PDGFC: variants seen among roughly 807,000 people sequenced by gnomAD.
PDGFC encodes the protein platelet-derived growth factor C.
In PDGFC, 12 loss-of-function variants were observed where a neutral mutation model predicts 35.5. That is an observed-to-expected ratio of 0.34 (90% CI 0.22 to 0.55). The LOEUF is 0.55. PDGFC is among the 20% of genes least tolerant of loss of function. The pLI, the probability that PDGFC is intolerant of heterozygous loss-of-function variation, is 0.91. For synonymous variants in PDGFC, 159 were observed against 148.8 expected (o/e 1.07, Z -0.50); for missense variants, 322 against 412.4 (o/e 0.78, Z 1.90).
intron 1 of PDGFC, 65 bp from the exon 2 acceptor site, chr4:156,850,481 G>T: frequency 1.1e-6 from 1 of 889,634 alleles, no homozygotes; most frequent in Non-Finnish European, 1.7e-6. Context: ...ATCAAAGCAA[G>T]TGTTTATTAT....
rs529975996 is a variant in PDGFC at position 156,959,992 on chromosome 4, AT to A, written c.118+10793del. Among the ~76,000 whole-genome samples, 198 of 151,916 alleles carry A rather than the reference AT, an allele frequency of 1.3e-3. 1 individual carries two copies. The highest frequency in any genetic ancestry group is 3.9e-3 in the Admixed American group (59 of 15,222). ...AAGAATAGAGATGACTTAATCACTA[AT>A]TTTTTCTTCGTTATCATGGCTTAAA... On this transcript the variant is annotated intron_variant, in intron 1 of 5. Coordinates refer to ENST00000502773, the MANE Select transcript of PDGFC (RefSeq NM_016205.3).
chr4:156,774,150 C>A (rs1730759803), intron 3 of PDGFC, among the ~76,000 whole-genome samples: 1 of 152,096 alleles, frequency 6.6e-6, no homozygotes, highest in African/African-American at 2.4e-5. Flanking sequence ...AATCCAAATT[C>A]CTTACACAGC....
chr4:156,956,891 C>T (rs1732225300), intron 1 of PDGFC, among the ~76,000 whole-genome samples: 7 of 151,954 alleles, frequency 4.6e-5, no homozygotes, highest in Admixed American at 4.6e-4. Context: ...TCTAAATATA[C>T]ACGTTAATTG....
intron 2 of PDGFC, among the ~76,000 whole-genome samples, chr4:156,839,695 TTCC>T (rs1252679010): frequency 1.3e-5 from 2 of 152,122 alleles, no homozygotes; most frequent in Non-Finnish European, 2.9e-5. Context: ...AGTTTGAAAC[TTCC>T]TCGAGACTTG....
At chr4:156,770,835 T>C (rs1156946482) in intron 4 of PDGFC, among the ~76,000 whole-genome samples, 4 of 152,174 alleles carry the variant, frequency 2.6e-5, no homozygotes, top group Admixed American at 2.6e-4. Flanking sequence ...AGTCTATTAC[T>C]GTAATGTAAT....
chr4:156,807,016 C>CT (rs558423110), intron 3 of PDGFC, among the ~76,000 whole-genome samples: 5,768 of 143,466 alleles, frequency 0.04, 107 homozygotes, highest in Admixed American at 0.075. Flanking sequence ...TCTACCAGGT[C>CT]TTTTTTTTTT....
intron 1 of PDGFC, among the ~76,000 whole-genome samples, chr4:156,897,720 C>A (rs1045675844): frequency 2.6e-5 from 4 of 152,216 alleles, no homozygotes; most frequent in African/African-American, 9.6e-5. Context: ...GAAATTATTT[C>A]AACTTTTAGA....
At chr4:156,833,331 A>C (rs1419757750) in intron 2 of PDGFC, among the ~76,000 whole-genome samples, 2 of 152,220 alleles carry the variant, frequency 1.3e-5, no homozygotes, top group Non-Finnish European at 2.9e-5. Context: ...GATATTCAAT[A>C]AGCACGTATT....
intron 3 of PDGFC, among the ~76,000 whole-genome samples, chr4:156,797,207 C>G (rs556892397): frequency 1.3e-5 from 2 of 150,818 alleles, no homozygotes; most frequent in South Asian, 4.2e-4. Flanking sequence ...CACTGCACTC[C>G]ACCCTGTGCG....
intron 1 of PDGFC, among the ~76,000 whole-genome samples, chr4:156,878,623 A>G (rs1730170951): frequency 6.6e-6 from 1 of 152,154 alleles, no homozygotes; most frequent in African/African-American, 2.4e-5. Context: ...CCGGTTGAGC[A>G]TTCCTAATCA....
intron 3 of PDGFC, among the ~76,000 whole-genome samples, chr4:156,810,554 G>C (rs1207007326): frequency 6.6e-6 from 1 of 151,840 alleles, no homozygotes; most frequent in Non-Finnish European, 1.5e-5. Flanking sequence ...TTAATCAGTT[G>C]TCTAGATAAT....
At chr4:156,765,070 T>C (rs1024071502) in intron 5 of PDGFC, among the ~76,000 whole-genome samples, 5 of 152,220 alleles carry the variant, frequency 3.3e-5, no homozygotes, top group Admixed American at 1.3e-4. Flanking sequence ...CAAAGTCTCC[T>C]GTCTTTGTCT....
intron 1 of PDGFC, among the ~76,000 whole-genome samples, chr4:156,924,031 C>T (rs1731349714): frequency 6.6e-6 from 1 of 152,136 alleles, no homozygotes; most frequent in Non-Finnish European, 1.5e-5. Context: ...CAAGCTACAT[C>T]AGTTAAAATA....
intron 3 of PDGFC, among the ~76,000 whole-genome samples, chr4:156,807,905 T>C (rs1356261761): frequency 1.3e-5 from 2 of 152,076 alleles, no homozygotes; most frequent in Non-Finnish European, 2.9e-5. Context: ...ATGTTAACTG[T>C]ATATACTAAT....
At chr4:156,830,133 TTATAAG>T (rs774654826) in intron 2 of PDGFC, among the ~76,000 whole-genome samples, 1 of 152,056 alleles carries the variant, frequency 6.6e-6, no homozygotes, top group Admixed American at 6.5e-5. Context: ...AGTTGAAAAA[TTATAAG>T]TATTTTTATA....
intron 1 of PDGFC, among the ~76,000 whole-genome samples, chr4:156,906,861 A>G (rs1331281684): frequency 6.6e-6 from 1 of 152,194 alleles, no homozygotes; most frequent in Non-Finnish European, 1.5e-5. Flanking sequence ...CTCACTTCCA[A>G]AGAAAGCCTC....
intron 1 of PDGFC, among the ~76,000 whole-genome samples, chr4:156,891,176 CAT>C (rs1730495527): frequency 1.3e-5 from 2 of 149,960 alleles, no homozygotes; most frequent in Non-Finnish European, 3.0e-5. Context: ...CACATCTAAA[CAT>C]AAAAAAAAGG....
chr4:156,818,344 T>TA (rs1391440264), intron 2 of PDGFC, among the ~76,000 whole-genome samples: 2 of 151,938 alleles, frequency 1.3e-5, no homozygotes, highest in African/African-American at 4.8e-5. Flanking sequence ...CACTTTGTGT[T>TA]CCTGGGTCAC....
chr4:156,965,801 C>A (rs180932028), intron 1 of PDGFC, among the ~76,000 whole-genome samples: 5 of 152,172 alleles, frequency 3.3e-5, no homozygotes, highest in Admixed American at 3.3e-4. Context: ...CCTGAGCTGC[C>A]AAGCAGAGAG....
Sources: gnomAD v4.1 joint callset for allele counts (sites outside exome capture counted in the v4.1 genomes callset) on GRCh38, gnomAD v4.1.1 for gene constraint, MANE v1.5 for transcripts, NCBI Gene and HGNC (gene_info 2026-07-23, HGNC 2026-07-21) for gene names.